Variants in USH2A observed in about 807,000 individuals in gnomAD.
USH2A encodes Usher syndrome 2A (autosomal recessive, mild).
Under a neutral mutation model 538.9 loss-of-function variants are expected in USH2A, and 443 were observed. That is an observed-to-expected ratio of 0.82 (90% CI 0.76 to 0.89). The LOEUF (loss-of-function observed/expected upper bound fraction) is 0.89, where lower values mean the gene tolerates loss of function less well. Ranked by LOEUF, USH2A falls within the 40% of genes least tolerant of loss-of-function variation. The pLI, the probability that USH2A is intolerant of heterozygous loss-of-function variation, is 0.00. For missense variants in USH2A, 6,633 were observed against 6,324.8 expected (o/e 1.05, Z -1.65); for synonymous variants, 2,413 against 2,273.5 (o/e 1.06, Z -1.75).
chr1:215,955,926 A>T (rs1667054172), intron 37 of USH2A, among the ~76,000 whole-genome samples: 1 of 152,166 alleles, frequency 6.6e-6, no homozygotes, highest in Non-Finnish European at 1.5e-5. Context: ...AAGGAAGTTG[A>T]TCCCTAGATT....
chr1:216,081,816 C>T (rs1366049482), intron 26 of USH2A, among the ~76,000 whole-genome samples: 2 of 151,956 alleles, frequency 1.3e-5, no homozygotes, highest in African/African-American at 4.8e-5. Context: ...TGGTCTCGAA[C>T]TACTGGCCTC....
intron 9 of USH2A, among the ~76,000 whole-genome samples, chr1:216,306,126 C>T (rs994328306): frequency 6.6e-6 from 1 of 152,088 alleles, no homozygotes; most frequent in Non-Finnish European, 1.5e-5. Context: ...TTAGATTTCT[C>T]TTCTTCCTTG....
chr1:215,953,272 A>G (rs990940407), intron 37 of USH2A, among the ~76,000 whole-genome samples: 1 of 152,198 alleles, frequency 6.6e-6, no homozygotes, highest in Non-Finnish European at 1.5e-5. Context: ...ATCCTAAGCC[A>G]AAAGAACAAA....
chr1:215,888,792 T>G lies in USH2A; in HGVS notation c.7857A>C (p.Thr2619=). 1.2e-6 allele frequency: 2 copies of G among 1,613,940 alleles called. No homozygotes were observed. Among genetic ancestry groups the G allele is most frequent in the South Asian group, 2.2e-5 (2 of 91,064 alleles). The change falls in exon 41 of 72, where the codon ACA becomes ACC. Residue 2619 remains threonine (T), a synonymous_variant. Transcript: ENST00000307340. Reference sequence around the variant, plus strand: ...GGATCCCTTCCGGTGCCCCTGGGAGTGTCCATACAGTCTGGGACTCTGGTG... The same window carrying G: ...GGATCCCTTCCGGTGCCCCTGGGAGGGTCCATACAGTCTGGGACTCTGGTG... ...SLSPESQTVW[T]LPGAPEGIPS...
intron 64 of USH2A, among the ~76,000 whole-genome samples, chr1:215,651,192 C>A (rs1657069127): frequency 6.6e-6 from 1 of 152,068 alleles, no homozygotes; most frequent in Admixed American, 6.5e-5. Flanking sequence ...ATTGTCCCCA[C>A]CAAATCTGCA....
chr1:216,315,738 A>T (rs2037495808), intron 9 of USH2A, among the ~76,000 whole-genome samples: 1 of 152,198 alleles, frequency 6.6e-6, no homozygotes, highest in African/African-American at 2.4e-5. Context: ...TCTCAAAATT[A>T]AAAGTTTACT....
chr1:215,696,563 C>T (rs75734404), intron 61 of USH2A, among the ~76,000 whole-genome samples: 2,312 of 152,320 alleles, frequency 0.015, 94 homozygotes, highest in East Asian at 0.1. Context: ...CCTTATTAGT[C>T]ATAACCATCT....
chr1:215,871,647 T>C (rs1253032895), intron 43 of USH2A, among the ~76,000 whole-genome samples: 1 of 152,232 alleles, frequency 6.6e-6, no homozygotes, highest in Non-Finnish European at 1.5e-5. Flanking sequence ...GTGTTAAAAA[T>C]AATAAAATTG....
chr1:216,422,660 A>G, intron 1 of USH2A, 120 bp from the exon 2 acceptor site: 1 of 306,312 alleles, frequency 3.3e-6, no homozygotes, highest in East Asian at 7.2e-5. Flanking sequence ...CTCAAAAAAC[A>G]TTTTGAAGCA....
At chr1:215,965,907 CT>C (rs1221091177) in intron 36 of USH2A, among the ~76,000 whole-genome samples, 1 of 146,122 alleles carries the variant, frequency 6.8e-6, no homozygotes, top group Non-Finnish European at 1.5e-5. Context: ...CATATCTTGA[CT>C]CTCTCTCTTC....
intron 21 of USH2A, among the ~76,000 whole-genome samples, chr1:216,158,022 CACTA>C (rs2033984306): frequency 6.6e-6 from 1 of 152,108 alleles, no homozygotes; most frequent in Admixed American, 6.6e-5. Flanking sequence ...TTCTTTTACT[CACTA>C]ACAGGTTATA....
At chr1:215,941,206 T>C (rs958981196) in intron 37 of USH2A, among the ~76,000 whole-genome samples, 2 of 152,042 alleles carry the variant, frequency 1.3e-5, no homozygotes, top group Non-Finnish European at 2.9e-5. Flanking sequence ...AAAACTGCTC[T>C]AAAAATAGTT....
At position 215,783,502 on chromosome 1, in the gene USH2A, GA is replaced by G. The variant is rs1245679805; in HGVS notation, c.10388-568del. On this transcript the variant is annotated intron_variant, in intron 52 of 71. Coordinates refer to ENST00000307340, the MANE Select transcript of USH2A (RefSeq NM_206933.4). ...TCCCTCTTCCACAAAAGCCAGAACT[GA>G]AAACCAAAATACAAACCAACCAACT... is the stretch of plus-strand genomic sequence containing the variant. Among the ~76,000 whole-genome samples the G allele has an allele frequency of 2.0e-5, 3 of 152,204 alleles. No homozygotes were observed. In the East Asian group the frequency reaches 5.8e-4, roughly 29 times the overall value.
At chr1:215,902,303 T>C (rs1247796568) in intron 38 of USH2A, among the ~76,000 whole-genome samples, 4 of 152,192 alleles carry the variant, frequency 2.6e-5, no homozygotes, top group Non-Finnish European at 5.9e-5. Context: ...CTGTGAACAA[T>C]GAGGCTAATG....
chr1:215,657,499 GT>G (rs1031016395), intron 64 of USH2A, among the ~76,000 whole-genome samples: 4 of 152,024 alleles, frequency 2.6e-5, no homozygotes, highest in African/African-American at 9.7e-5. Flanking sequence ...TTATTTAACT[GT>G]CTATCTATCT....
chr1:216,215,206 A>G (rs2035320199), intron 15 of USH2A, among the ~76,000 whole-genome samples: 1 of 152,146 alleles, frequency 6.6e-6, no homozygotes, highest in South Asian at 2.1e-4. Context: ...TGGCCCCTAG[A>G]AGATATAATG....
chr1:216,351,749 A>T (rs1055163692), intron 4 of USH2A, among the ~76,000 whole-genome samples: 2 of 152,134 alleles, frequency 1.3e-5, no homozygotes, highest in Non-Finnish European at 2.9e-5. Flanking sequence ...AGCAACCATG[A>T]ATTGGACTGG....
At chr1:216,380,546 G>C (rs1341975407) in intron 3 of USH2A, among the ~76,000 whole-genome samples, 1 of 152,108 alleles carries the variant, frequency 6.6e-6, no homozygotes, top group East Asian at 1.9e-4. Context: ...CTGTAATAGA[G>C]CTCAGGGAAG....
intron 4 of USH2A, among the ~76,000 whole-genome samples, chr1:216,332,094 G>T (rs1379949362): frequency 2.6e-5 from 4 of 152,092 alleles, no homozygotes; most frequent in African/African-American, 7.2e-5. Flanking sequence ...TGAACAGTTT[G>T]CAATCAGGGT....
Sources: gnomAD v4.1 joint callset for allele counts (sites outside exome capture counted in the v4.1 genomes callset) on GRCh38, gnomAD v4.1.1 for gene constraint, MANE v1.5 for transcripts, NCBI Gene and HGNC (gene_info 2026-07-23, HGNC 2026-07-21) for gene names.